The following PCDH15 variants were observed in gnomAD, a reference collection of about 807,000 sequenced individuals.
The protein encoded by PCDH15 is protocadherin-15.
In PCDH15, 129 loss-of-function variants were observed where a neutral mutation model predicts 178.5. The observed-to-expected ratio is 0.72, with a 90% CI of 0.63 to 0.84. PCDH15 has a LOEUF of 0.84. Ranked by LOEUF, PCDH15 falls within the 40% of genes least tolerant of loss-of-function variation. The pLI is 0.00. For missense variants in PCDH15, 2,230 were observed against 2,099.9 expected (o/e 1.06, Z -1.21); for synonymous variants, 800 against 732.0 (o/e 1.09, Z -1.50).
intron 23 of PCDH15, among the ~76,000 whole-genome samples, chr10:53,941,689 T>G (rs145204388): frequency 6.6e-6 from 1 of 152,284 alleles, no homozygotes; most frequent in Non-Finnish European, 1.5e-5. Context: ...ATTAGCATGA[T>G]TACTGGATTT....
chr10:54,725,930 A>G (rs1942431534), intron 1 of PCDH15, among the ~76,000 whole-genome samples: 1 of 151,694 alleles, frequency 6.6e-6, no homozygotes, highest in Non-Finnish European at 1.5e-5. Context: ...TGATTGTCAC[A>G]GGTTAGCATG....
At chr10:53,931,898 C>T (rs12770281) in intron 25 of PCDH15, among the ~76,000 whole-genome samples, 48,363 of 152,046 alleles carry the variant, frequency 0.32, 9,775 homozygotes, top group Middle Eastern at 0.56. Flanking sequence ...TTTCTTTTTA[C>T]TTTTTTCTTT....
intron 28 of PCDH15, 132 bp downstream of exon 28, chr10:53,857,043 C>T (rs753438531): frequency 5.2e-5 from 37 of 708,650 alleles, no homozygotes; most frequent in Non-Finnish European, 7.4e-5. Flanking sequence ...AAGCCTAAAC[C>T]TCACCAATAT....
chr10:55,369,909 G>T (rs1014470016), intron 2 of PCDH15, among the ~76,000 whole-genome samples: 1 of 151,704 alleles, frequency 6.6e-6, no homozygotes, highest in Non-Finnish European at 1.5e-5. Context: ...CCAATGAACT[G>T]GTCTATCTTT....
intron 2 of PCDH15, among the ~76,000 whole-genome samples, chr10:55,584,681 AAT>A (rs1327430359): frequency 8.6e-5 from 13 of 150,624 alleles, no homozygotes; most frequent in African/African-American, 3.2e-4. Context: ...AAAAAAAAAA[AAT>A]CAATTAAAAT....
At chr10:53,824,673 C>CAAAT (rs1159468810) in intron 32 of PCDH15, among the ~76,000 whole-genome samples, 1 of 151,942 alleles carries the variant, frequency 6.6e-6, no homozygotes, top group African/African-American at 2.4e-5. Flanking sequence ...AAGTATTTTT[C>CAAAT]AAATATGGCA....
At chr10:53,866,583 A>T (rs757828871) in intron 27 of PCDH15, 59 bp downstream of exon 27, 6 of 1,278,140 alleles carry the variant, frequency 4.7e-6, no homozygotes, top group Non-Finnish European at 6.8e-6. Context: ...TAAACTGAAA[A>T]CACTGACCTA....
intron 3 of PCDH15, among the ~76,000 whole-genome samples, chr10:54,421,734 A>G (rs2135833261): frequency 1.4e-5 from 1 of 73,276 alleles, no homozygotes; most frequent in Non-Finnish European, 2.5e-5. Flanking sequence ...TGTGTTATAT[A>G]TACACACTAT....
intron 3 of PCDH15, among the ~76,000 whole-genome samples, chr10:54,819,721 A>G (rs557300573): frequency 2.8e-4 from 42 of 152,066 alleles, no homozygotes; most frequent in Non-Finnish European, 5.2e-4. Flanking sequence ...TTAAGCCATT[A>G]CTCCAAAGAC....
intron 2 of PCDH15, among the ~76,000 whole-genome samples, chr10:55,566,731 A>T (rs934350959): frequency 2.0e-5 from 3 of 151,822 alleles, no homozygotes; most frequent in Non-Finnish European, 4.4e-5. Flanking sequence ...CAAGAAAATA[A>T]AAGACCTGTC....
At chr10:55,531,971 G>A (rs904868673) in intron 2 of PCDH15, among the ~76,000 whole-genome samples, 5 of 151,888 alleles carry the variant, frequency 3.3e-5, no homozygotes, top group African/African-American at 7.2e-5. Context: ...CAATGAATAC[G>A]AAGAAGTGAA....
chr10:54,635,945 A>G (rs2093841591), intron 2 of PCDH15, among the ~76,000 whole-genome samples: 1 of 151,810 alleles, frequency 6.6e-6, no homozygotes, highest in Non-Finnish European at 1.5e-5. Flanking sequence ...AAAACGAGAA[A>G]TATTTGGTAA....
At chr10:54,060,371 C>T (rs890536697) in intron 18 of PCDH15, among the ~76,000 whole-genome samples, 14 of 151,920 alleles carry the variant, frequency 9.2e-5, no homozygotes, top group South Asian at 4.1e-4. Context: ...TACCGTATTT[C>T]GAAAAATCAT....
chr10:55,568,684 T>C (rs920204760), intron 2 of PCDH15, among the ~76,000 whole-genome samples: 4 of 151,950 alleles, frequency 2.6e-5, no homozygotes, highest in Admixed American at 6.6e-5. Flanking sequence ...TCTAATGAAA[T>C]ATAGTTAATT....
intron 3 of PCDH15, among the ~76,000 whole-genome samples, chr10:54,833,142 C>T (rs961325882): frequency 8.5e-5 from 13 of 152,256 alleles, no homozygotes; most frequent in Non-Finnish European, 1.8e-4. Flanking sequence ...TACCATGATG[C>T]ATTTATCATT....
chr10:55,543,686 T>C (rs1841813842), intron 2 of PCDH15, among the ~76,000 whole-genome samples: 1 of 151,472 alleles, frequency 6.6e-6, no homozygotes, highest in Admixed American at 6.6e-5. Flanking sequence ...ATGTTGACAT[T>C]TTACAGACCA....
chr10:54,666,556 A>G (rs368147459), intron 1 of PCDH15, among the ~76,000 whole-genome samples: 3 of 152,212 alleles, frequency 2.0e-5, no homozygotes, highest in East Asian at 1.9e-4. Context: ...TAAGATTTCT[A>G]TATACAATGG....
chr10:55,081,620 G>GC (rs2132026169), intron 2 of PCDH15, among the ~76,000 whole-genome samples: 1 of 152,256 alleles, frequency 6.6e-6, no homozygotes, highest in African/African-American at 2.4e-5. Context: ...TATAAAGGAT[G>GC]CCTGAGAGAG....
At chr10:55,192,732 T>G (rs1204315639) in intron 1 of PCDH15, among the ~76,000 whole-genome samples, 3 of 150,540 alleles carry the variant, frequency 2.0e-5, no homozygotes, top group Non-Finnish European at 4.4e-5. Flanking sequence ...TCTCTCTCTC[T>G]CTCTCTCTCT....
Sources: gnomAD v4.1 joint callset for allele counts (sites outside exome capture counted in the v4.1 genomes callset) on GRCh38, gnomAD v4.1.1 for gene constraint, MANE v1.5 for transcripts, NCBI Gene and HGNC (gene_info 2026-07-23, HGNC 2026-07-21) for gene names.